The following RASA1 variants were observed in gnomAD, a reference collection of about 807,000 sequenced individuals.
RASA1 encodes the protein ras GTPase-activating protein 1.
RASA1 carries 25 observed loss-of-function variants against 132.2 expected under a neutral mutation model. The ratio of observed to expected loss-of-function variants is 0.19; its 90% CI spans 0.14 to 0.26. The LOEUF (loss-of-function observed/expected upper bound fraction) is 0.26. Among genes scored for constraint, RASA1 ranks in the 10% least tolerant of loss-of-function variants. The pLI, the probability that RASA1 is intolerant of heterozygous loss-of-function variation, is 1.00. For missense variants in RASA1, 964 were observed against 1,299.2 expected (o/e 0.74, Z 3.97); for synonymous variants, 477 against 449.9 (o/e 1.06, Z -0.76).
intron 1 of RASA1, among the ~76,000 whole-genome samples, chr5:87,322,119 C>T (rs1296328879): frequency 6.6e-6 from 1 of 152,036 alleles, no homozygotes; most frequent in Non-Finnish European, 1.5e-5. Flanking sequence ...GTTTGCTGCC[C>T]TCCCCTGTGG....
Position 87,376,982 on chromosome 5 carries a change from C to A in RASA1, c.2286C>A (p.His762Gln). ...GCATCCTACTGAGGATTTTTCTTCA[C>A]GAAAAGCTTGAATCGTTGTTGTTAT... Reference protein sequence around the residue: ...LASILLRIFLHEKLESLLLCT... With the variant: ...LASILLRIFLQEKLESLLLCT... Residue 762 changes from histidine (H) to glutamine (Q), a missense_variant, in exon 17 of 25, where the codon CAC (histidine) becomes CAA (glutamine). Physicochemically the swap from His to Gln is conservative, Grantham distance 24 (BLOSUM62 0). Around this residue, in one of 6 missense-constraint regions of RASA1, gnomAD observed 346 missense variants for 520.1 expected, o/e 0.67. Coordinates refer to ENST00000274376, the MANE Select transcript of RASA1 (RefSeq NM_002890.3). The A allele has an allele frequency of 1.9e-6, 3 of 1,613,506 alleles. No individual in the cohort carries two copies. Among genetic ancestry groups the A allele is most frequent in the Non-Finnish European group, 2.5e-6 (3 of 1,179,554 alleles).
chr5:87,286,633 A>G (rs939938667), intron 1 of RASA1, among the ~76,000 whole-genome samples: 2 of 152,050 alleles, frequency 1.3e-5, no homozygotes, highest in African/African-American at 4.8e-5. Flanking sequence ...TGAAACTCCC[A>G]GCAGTTTGAA....
chr5:87,325,427 A>C (rs138171516), intron 1 of RASA1, among the ~76,000 whole-genome samples: 20 of 152,350 alleles, frequency 1.3e-4, no homozygotes, highest in Admixed American at 5.9e-4. Context: ...TGTTTTAGCA[A>C]ATGCATACCA....
intron 1 of RASA1, among the ~76,000 whole-genome samples, chr5:87,274,418 T>C (rs1178426757): frequency 6.6e-6 from 1 of 152,240 alleles, no homozygotes; most frequent in South Asian, 2.1e-4. Flanking sequence ...GATTGCATTA[T>C]ACATATGGGT....
At chr5:87,298,914 A>G (rs1468365187) in intron 1 of RASA1, among the ~76,000 whole-genome samples, 2 of 152,190 alleles carry the variant, frequency 1.3e-5, no homozygotes, top group African/African-American at 4.8e-5. Flanking sequence ...AGTTAAAGGA[A>G]TTGGCGTTCT....
chr5:87,312,023 G>C (rs1009055275), intron 1 of RASA1, among the ~76,000 whole-genome samples: 2 of 152,188 alleles, frequency 1.3e-5, no homozygotes, highest in African/African-American at 4.8e-5. Context: ...GTAATGTTTT[G>C]ATAATGTAAA....
chr5:87,287,858 A>G (rs1023640604), intron 1 of RASA1, among the ~76,000 whole-genome samples: 1 of 132,090 alleles, frequency 7.6e-6, no homozygotes, highest in East Asian at 2.2e-4. Flanking sequence ...TACACACACC[A>G]TATATATACC....
Position 87,287,332 on chromosome 5 carries a change from C to CACACCATATATATACCATATAT in RASA1, c.539+18369_539+18390dup, listed in dbSNP as rs1561256677. On this transcript the variant is annotated intron_variant, in intron 1 of 24. Coordinates refer to ENST00000274376, the MANE Select transcript of RASA1 (RefSeq NM_002890.3). ...ACACCATATATATACACCATATATACACACCATATATATACCATATATACA... is the reference window on the plus strand; with the variant it reads ...ACACCATATATATACACCATATATACACACCATATATATACCATATATACACCATATATATACCATATATACA... Among the ~76,000 whole-genome samples, 146 of 144,524 alleles carry CACACCATATATATACCATATAT rather than the reference C, an allele frequency of 1.0e-3. 1 individual carries two copies. The highest frequency in any genetic ancestry group is 3.9e-3 in the East Asian group (19 of 4,884). 94.8% of individuals were successfully genotyped at this position (144,524 alleles called of 152,430 possible).
intron 8 of RASA1, among the ~76,000 whole-genome samples, chr5:87,349,608 A>C (rs976131330): frequency 5.9e-5 from 9 of 151,960 alleles, no homozygotes; most frequent in Non-Finnish European, 1.2e-4. Flanking sequence ...AATTAGACAT[A>C]AGCTGTTTGC....
At chr5:87,358,851 A>G (rs986188084) in intron 9 of RASA1, among the ~76,000 whole-genome samples, 12 of 152,148 alleles carry the variant, frequency 7.9e-5, no homozygotes, top group African/African-American at 2.9e-4. Context: ...TCTTTGCTGT[A>G]GCTGTTCACT....
At position 87,331,248 on chromosome 5, in the gene RASA1, A is replaced by G; in HGVS notation, c.540-100A>G. 2.4e-6 allele frequency: 3 copies of G among 1,230,694 alleles called. No homozygotes were observed. In the South Asian group the frequency reaches 3.6e-5, roughly 15 times the overall value. The allele number at this position is 1,230,694 out of a possible 1,614,324, so 76.2% of individuals were successfully genotyped here. ...AGTAAAATGTAAATGTTTAAGTTAC[A>G]TGTAGGCATTTAAAACCTCTAGTAG... On this transcript the variant is annotated intron_variant, in intron 1 of 24. Coordinates refer to ENST00000274376, the MANE Select transcript of RASA1 (RefSeq NM_002890.3).
chr5:87,375,165 C>G (rs1442399352), intron 15 of RASA1, among the ~76,000 whole-genome samples: 1 of 152,162 alleles, frequency 6.6e-6, no homozygotes, highest in African/African-American at 2.4e-5. Context: ...AGCCACCCTC[C>G]TTTCTCCAAT....
At chr5:87,387,363 G>C (rs1762134475) in intron 23 of RASA1, among the ~76,000 whole-genome samples, 1 of 152,124 alleles carries the variant, frequency 6.6e-6, no homozygotes, top group Admixed American at 6.6e-5. Flanking sequence ...ACTTCATTCA[G>C]TGTGAATATC....
intron 11 of RASA1, among the ~76,000 whole-genome samples, chr5:87,368,657 A>G (rs1050828965): frequency 4.6e-5 from 7 of 152,184 alleles, no homozygotes; most frequent in Admixed American, 3.3e-4. Context: ...GGAAAGCCTG[A>G]AATTCATTCT....
rs1422178333 is a variant in RASA1 at position 87,268,378 on chromosome 5, G to T, written c.-74G>T. Reference sequence around the variant, plus strand: ...AGGGGAGACGCGTCTGGGTGGGGCTGCTCGGAGCCCGGGCCTGGTGGCCCC... The same window carrying T: ...AGGGGAGACGCGTCTGGGTGGGGCTTCTCGGAGCCCGGGCCTGGTGGCCCC... On this transcript the variant is annotated 5_prime_UTR_variant, in exon 1 of 25. Transcript: ENST00000274376. 4 of 1,454,126 alleles carry T rather than the reference G, an allele frequency of 2.8e-6. No homozygotes were observed. In the African/African-American group the frequency reaches 4.3e-5, roughly 16 times the overall value. The allele number at this position is 1,454,126 out of a possible 1,614,324, so 90.1% of individuals were successfully genotyped here.
chr5:87,327,999 T>G (rs1702258594), intron 1 of RASA1, among the ~76,000 whole-genome samples: 2 of 151,942 alleles, frequency 1.3e-5, no homozygotes, highest in Admixed American at 6.6e-5. Flanking sequence ...GAACTTCCTA[T>G]GTGGACGTTA....
chr5:87,303,579 T>G (rs1755473399), intron 1 of RASA1, among the ~76,000 whole-genome samples: 1 of 152,116 alleles, frequency 6.6e-6, no homozygotes, highest in African/African-American at 2.4e-5. Flanking sequence ...AAATGTCAAC[T>G]TTTACAGTTT....
At chr5:87,296,443 A>G (rs1006042391) in intron 1 of RASA1, among the ~76,000 whole-genome samples, 2 of 152,194 alleles carry the variant, frequency 1.3e-5, no homozygotes, top group African/African-American at 4.8e-5. Context: ...TTTCTGACCT[A>G]TATCATTATC....
chr5:87,306,602 T>C (rs2112295641), intron 1 of RASA1, among the ~76,000 whole-genome samples: 1 of 152,068 alleles, frequency 6.6e-6, no homozygotes, highest in East Asian at 1.9e-4. Context: ...CATGTACCCC[T>C]GAACTTAAAA....
Sources: allele counts gnomAD v4.1 joint callset (sites outside exome capture counted in the v4.1 genomes callset), GRCh38; gene constraint gnomAD v4.1.1; regional missense constraint gnomAD v4.1.1; transcripts MANE v1.5; gene names NCBI Gene and HGNC (gene_info 2026-07-23, HGNC 2026-07-21).